The following JAK2 variants were observed in gnomAD, a reference collection of about 807,000 sequenced individuals.
JAK2 encodes Janus kinase 2, also known as tyrosine-protein kinase JAK2.
JAK2 carries 86 observed loss-of-function variants against 139.3 expected under a neutral mutation model. That is an observed-to-expected ratio of 0.62 (90% CI 0.52 to 0.74). The LOEUF (loss-of-function observed/expected upper bound fraction) is 0.74, where lower values mean the gene tolerates loss of function less well. Ranked by LOEUF, JAK2 falls within the 30% of genes least tolerant of loss-of-function variation. JAK2 has a pLI of 0.00. For missense variants in JAK2, 1,421 were observed against 1,360.3 expected (o/e 1.04, Z -0.70); for synonymous variants, 490 against 437.7 (o/e 1.12, Z -1.49).
intron 19 of JAK2, 86 bp from the exon 20 acceptor site, chr9:5,089,588 C>T (rs1820412850): frequency 4.6e-6 from 1 of 219,026 alleles, no homozygotes. Flanking sequence ...ATTCCAGCTA[C>T]TAGAATTTTC....
chr9:5,050,638 GATA>G, intron 5 of JAK2, 45 bp from the exon 6 acceptor site: 1 of 1,539,632 alleles, frequency 6.5e-7, no homozygotes, highest in Non-Finnish European at 8.9e-7. Context: ...ATTAAAACAT[GATA>G]ATGAAACTTA....
At chr9:5,043,577 C>G (rs1170373348) in intron 4 of JAK2, among the ~76,000 whole-genome samples, 1 of 152,130 alleles carries the variant, frequency 6.6e-6, no homozygotes, top group East Asian at 1.9e-4. Context: ...TACCATATGA[C>G]TCAGCAATTC....
At chr9:5,092,242 A>G (rs776812155) in intron 22 of JAK2, among the ~76,000 whole-genome samples, 3 of 152,156 alleles carry the variant, frequency 2.0e-5, no homozygotes, top group Non-Finnish European at 4.4e-5. Flanking sequence ...CAGTAAACCA[A>G]GAGTAGAGTG....
chr9:5,100,746 A>G (rs1457487518), intron 22 of JAK2: 1 of 152,238 alleles, frequency 6.6e-6, no homozygotes, highest in Non-Finnish European at 1.5e-5. Flanking sequence ...TACCTTAGGT[A>G]TTTACTTCAC....
intron 22 of JAK2, chr9:5,114,139 C>A (rs964887221): frequency 2.5e-6 from 1 of 392,190 alleles, no homozygotes. Flanking sequence ...CAAGGTAACA[C>A]CTTTGAGGAC....
intron 22 of JAK2, among the ~76,000 whole-genome samples, chr9:5,102,054 G>A (rs1345484945): frequency 6.6e-6 from 1 of 152,218 alleles, no homozygotes; most frequent in Non-Finnish European, 1.5e-5. Flanking sequence ...CGAGCTGACA[G>A]AAGTAGGCTT....
At chr9:5,110,274 C>G (rs1432846784) in intron 22 of JAK2, 2 of 152,186 alleles carry the variant, frequency 1.3e-5, no homozygotes, top group Non-Finnish European at 2.9e-5. Context: ...AGAAAATAAC[C>G]TCTGAACCCA....
intron 2 of JAK2, among the ~76,000 whole-genome samples, chr9:5,019,226 A>T (rs1311325648): frequency 6.6e-6 from 1 of 152,158 alleles, no homozygotes; most frequent in African/African-American, 2.4e-5. Context: ...CCCATATGTC[A>T]TGCAGGCTTT....
intron 2 of JAK2, among the ~76,000 whole-genome samples, chr9:4,987,319 C>G (rs1820003308): frequency 6.6e-6 from 1 of 152,116 alleles, no homozygotes; most frequent in Non-Finnish European, 1.5e-5. Flanking sequence ...GGGAATATGA[C>G]ATTGTTTCTC....
intron 4 of JAK2, among the ~76,000 whole-genome samples, chr9:5,042,699 TGCTGTGGGGCCA>T: frequency 6.6e-6 from 1 of 151,946 alleles, no homozygotes; most frequent in African/African-American, 2.4e-5. Context: ...CCTGGAGGGG[TGCTGTGGGGCCA>T]TCTTGCCCAG....
At chr9:5,110,000 C>T (rs17425637) in intron 22 of JAK2, 38,096 of 152,094 alleles carry the variant, frequency 0.25, 5,125 homozygotes, top group South Asian at 0.3. Flanking sequence ...GCATCGGCGA[C>T]ATTGGTTTTA....
intron 4 of JAK2, among the ~76,000 whole-genome samples, chr9:5,036,448 G>T (rs1038321690): frequency 3.3e-5 from 5 of 152,070 alleles, no homozygotes; most frequent in African/African-American, 9.7e-5. Flanking sequence ...AACAAAGCTG[G>T]AGGCATCACG....
chr9:5,092,731 C>A (rs571567077), intron 22 of JAK2, among the ~76,000 whole-genome samples: 1 of 152,254 alleles, frequency 6.6e-6, no homozygotes, highest in Non-Finnish European at 1.5e-5. Flanking sequence ...GCTGAAAGAG[C>A]GTACTCACCT....
rs1477518896 is a variant in JAK2 at position 5,128,850 on chromosome 9, A to G, written c.*2059A>G. ...TAATTATTGTACCAGTTAATGCCAA[A>G]ATATTTTTCACGTTAATATTCTTCA... On this transcript the variant is annotated 3_prime_UTR_variant, in exon 25 of 25. Transcript: ENST00000381652. 6.6e-6 allele frequency among the ~76,000 whole-genome samples: 1 copy of G among 152,042 alleles called. No homozygotes were observed. The highest frequency in any genetic ancestry group is 1.9e-4 in the East Asian group (1 of 5,202).
intron 15 of JAK2, 53 bp downstream of exon 15, chr9:5,077,633 T>C: frequency 8.8e-7 from 1 of 1,142,360 alleles, no homozygotes; most frequent in Non-Finnish European, 1.2e-6. Flanking sequence ...TATAAAACAA[T>C]ATACAAATTA....
chr9:5,108,697 AC>A (rs1465057132), intron 22 of JAK2: 4 of 151,666 alleles, frequency 2.6e-5, no homozygotes, highest in Non-Finnish European at 5.9e-5. Flanking sequence ...TATATAGCCT[AC>A]CCCTTCCTCA....
intron 22 of JAK2, 134 bp downstream of exon 22, chr9:5,091,045 CT>C (rs929411025): frequency 0.042 from 20,562 of 489,036 alleles, 1 homozygote; most frequent in Middle Eastern, 0.066. Flanking sequence ...TTACATTTAA[CT>C]TTTTTTTTTT....
chr9:5,089,743 G>A lies in JAK2; in HGVS notation c.2641G>A (p.Val881Ile), dbSNP rs2130675033. The A allele has an allele frequency of 1.3e-6, 2 of 1,583,162 alleles. No homozygotes were observed. The highest frequency in any genetic ancestry group is 1.7e-6 in the Non-Finnish European group (2 of 1,165,052). The change falls in exon 20 of 25, where the codon GTA becomes ATA. Residue 881 changes from valine to isoleucine, a missense_variant. Val to Ile is a conservative substitution (Grantham distance 29). Transcript: ENST00000381652. ...LQDNTGEVVA[V>I]KKLQHSTEEH... ...GGACAACACTGGGGAGGTGGTCGCT[G>A]TAAAAAAGCTTCAGCATAGTACTGA...
intron 2 of JAK2, among the ~76,000 whole-genome samples, 143 bp from the exon 3 acceptor site, chr9:5,021,809 TTTTTGTAGAGA>T (rs1822450325): frequency 6.6e-6 from 1 of 152,112 alleles, no homozygotes; most frequent in Non-Finnish European, 1.5e-5. Flanking sequence ...CTTTTGTATG[TTTTTGTAGAGA>T]TGAGGTTTCA....
Sources: gnomAD v4.1 joint callset for allele counts (sites outside exome capture counted in the v4.1 genomes callset) on GRCh38, gnomAD v4.1.1 for gene constraint, MANE v1.5 for transcripts, NCBI Gene and HGNC (gene_info 2026-07-23, HGNC 2026-07-21) for gene names.